The following JARID2 variants were observed in gnomAD, a reference collection of about 807,000 sequenced individuals.
JARID2 encodes protein Jumonji.
JARID2 carries 21 observed loss-of-function variants against 125.6 expected under a neutral mutation model. The ratio of observed to expected loss-of-function variants is 0.17; its 90% CI spans 0.12 to 0.24. The LOEUF (loss-of-function observed/expected upper bound fraction) is 0.24. Among genes scored for constraint, JARID2 ranks in the 10% least tolerant of loss-of-function variants. The pLI is 1.00. For missense variants in JARID2, 1,303 were observed against 1,639.6 expected (o/e 0.79, Z 3.55); for synonymous variants, 736 against 661.6 (o/e 1.11, Z -1.73).
chr6:15,288,947 AG>A (rs1761101941), intron 1 of JARID2, among the ~76,000 whole-genome samples: 1 of 152,208 alleles, frequency 6.6e-6, no homozygotes, highest in Non-Finnish European at 1.5e-5. Flanking sequence ...TTCTCTCGTT[AG>A]TGAGCAGTGG....
chr6:15,403,384 T>C (rs1385806875), intron 2 of JARID2, among the ~76,000 whole-genome samples: 1 of 152,132 alleles, frequency 6.6e-6, no homozygotes, highest in Non-Finnish European at 1.5e-5. Context: ...CTTTTGTCTT[T>C]TGGTGGTTCT....
At chr6:15,338,182 A>G (rs1762943935) in intron 1 of JARID2, among the ~76,000 whole-genome samples, 1 of 152,150 alleles carries the variant, frequency 6.6e-6, no homozygotes, top group Admixed American at 6.5e-5. Context: ...GTGGAGAGTG[A>G]AAGGAGGCCA....
intron 1 of JARID2, among the ~76,000 whole-genome samples, chr6:15,266,190 A>C (rs1412053671): frequency 5.3e-5 from 8 of 152,106 alleles, no homozygotes; most frequent in Non-Finnish European, 1.0e-4. Flanking sequence ...TGTCCGATGA[A>C]TCTCCTGTGG....
chr6:15,291,253 A>G (rs1761202132), intron 1 of JARID2, among the ~76,000 whole-genome samples: 2 of 152,108 alleles, frequency 1.3e-5, no homozygotes. Context: ...AAAAATTCAC[A>G]TGAGAAGAAG....
intron 1 of JARID2, among the ~76,000 whole-genome samples, chr6:15,282,996 T>G (rs1427221533): frequency 2.0e-5 from 3 of 152,108 alleles, no homozygotes; most frequent in African/African-American, 7.2e-5. Context: ...TTATTTTTTT[T>G]GAGACGGAGT....
chr6:15,465,141 T>C (rs568535176), intron 4 of JARID2, among the ~76,000 whole-genome samples: 1 of 152,312 alleles, frequency 6.6e-6, no homozygotes, highest in Non-Finnish European at 1.5e-5. Context: ...GTTGGTTGTT[T>C]TCTGCTTTTG....
At chr6:15,503,460 C>CT (rs1183067365) in intron 8 of JARID2, among the ~76,000 whole-genome samples, 1 of 152,218 alleles carries the variant, frequency 6.6e-6, no homozygotes, top group Non-Finnish European at 1.5e-5. Flanking sequence ...CTGCTGCTCC[C>CT]TGTTGTGGCC....
At chr6:15,373,519 C>T (rs1394883410) in intron 1 of JARID2, among the ~76,000 whole-genome samples, 2 of 152,274 alleles carry the variant, frequency 1.3e-5, no homozygotes, top group Non-Finnish European at 2.9e-5. Context: ...AGTTGTATGC[C>T]GCCAAGATCA....
At chr6:15,257,691 G>A (rs1402644493) in intron 1 of JARID2, among the ~76,000 whole-genome samples, 1 of 152,168 alleles carries the variant, frequency 6.6e-6, no homozygotes, top group Admixed American at 6.5e-5. Context: ...TTGCTTTCTT[G>A]GAGAGAGGCT....
intron 4 of JARID2, among the ~76,000 whole-genome samples, chr6:15,468,111 A>T (rs1407680360): frequency 2.0e-5 from 3 of 151,550 alleles, no homozygotes. Flanking sequence ...TATGAATACA[A>T]CACAGTGATT....
At chr6:15,474,418 C>G (rs532798928) in intron 5 of JARID2, among the ~76,000 whole-genome samples, 1 of 148,966 alleles carries the variant, frequency 6.7e-6, no homozygotes, top group South Asian at 2.1e-4. Context: ...TTAGGAATGT[C>G]TTTGCCACCA....
chr6:15,434,445 A>T (rs564160117), intron 3 of JARID2, among the ~76,000 whole-genome samples: 1 of 152,184 alleles, frequency 6.6e-6, no homozygotes, highest in African/African-American at 2.4e-5. Flanking sequence ...TAGAAGGGCA[A>T]ATAGGGTCAG....
chr6:15,474,776 ATTC>A (rs1256839844), intron 5 of JARID2, among the ~76,000 whole-genome samples: 1 of 152,246 alleles, frequency 6.6e-6, no homozygotes, highest in East Asian at 1.9e-4. Flanking sequence ...CCTGTAATCC[ATTC>A]TTCTTTCCCT....
At chr6:15,335,881 A>G (rs1159435092) in intron 1 of JARID2, among the ~76,000 whole-genome samples, 1 of 152,058 alleles carries the variant, frequency 6.6e-6, no homozygotes, top group Non-Finnish European at 1.5e-5. Context: ...GCTTGAACCC[A>G]GGAATTTGAG....
Position 15,323,828 on chromosome 6 carries a change from GATGCAGTGAGCTGATCGCGCC to G in JARID2, c.46-50287_46-50267del, listed in dbSNP as rs199643401. 4.5e-4 allele frequency among the ~76,000 whole-genome samples: 69 copies of G among 152,040 alleles called. No homozygotes were observed. The East Asian group carries it at 0.013, about 28-fold the overall frequency. On this transcript the variant is annotated intron_variant, in intron 1 of 17. Transcript: ENST00000341776. The stretch of plus-strand genomic sequence containing the variant: ...AATCACTTGAGCCCTGGAGGCAGAA[GATGCAGTGAGCTGATCGCGCC>G]ACTGTACTCCAGCCTGGGTGACAGA...
intron 3 of JARID2, among the ~76,000 whole-genome samples, chr6:15,426,021 C>G (rs985428272): frequency 1.1e-4 from 17 of 152,162 alleles, no homozygotes; most frequent in African/African-American, 4.1e-4. Flanking sequence ...CTCAGCCAAT[C>G]TAATGCAGGG....
intron 7 of JARID2, among the ~76,000 whole-genome samples, chr6:15,497,645 C>T (rs60568619): frequency 0.032 from 2,328 of 73,032 alleles, 49 homozygotes; most frequent in African/African-American, 0.077. Context: ...AGTGAGATTC[C>T]GTCTCAAAAA....
At chr6:15,261,693 A>G (rs1422915660) in intron 1 of JARID2, among the ~76,000 whole-genome samples, 2 of 151,582 alleles carry the variant, frequency 1.3e-5, no homozygotes, top group Non-Finnish European at 2.9e-5. Flanking sequence ...GTGTTAAAAG[A>G]TTTCTAAAGT....
chr6:15,296,615 A>C lies in JARID2; in HGVS notation c.45+50031A>C, dbSNP rs978062182. Among the ~76,000 whole-genome samples the C allele has an allele frequency of 2.0e-5, 3 of 152,232 alleles. No individual in the cohort carries two copies. The East Asian group carries it at 5.8e-4, about 29-fold the overall frequency. On this transcript the variant is annotated intron_variant, in intron 1 of 17. Coordinates refer to ENST00000341776, the MANE Select transcript of JARID2 (RefSeq NM_004973.4). ...TATGTTGCAAATATAATATCCCCTT[A>C]TCACCAAATACTTCAGTGTCTATTT...
Sources: allele counts gnomAD v4.1 joint callset (sites outside exome capture counted in the v4.1 genomes callset), GRCh38; gene constraint gnomAD v4.1.1; transcripts MANE v1.5; gene names NCBI Gene and HGNC (gene_info 2026-07-23, HGNC 2026-07-21).